DNAH11: variants seen among roughly 807,000 people sequenced by gnomAD.
DNAH11 encodes axonemal beta dynein heavy chain 11.
A neutral mutation model predicts 526.0 loss-of-function variants in DNAH11; 442 were observed. The ratio of observed to expected loss-of-function variants is 0.84; its 90% CI spans 0.78 to 0.91. The LOEUF (loss-of-function observed/expected upper bound fraction) is 0.91. Ranked by LOEUF, DNAH11 falls within the 40% of genes least tolerant of loss-of-function variation. The pLI, the probability that DNAH11 is intolerant of heterozygous loss-of-function variation, is 0.00. For synonymous variants in DNAH11, 2,461 were observed against 1,935.9 expected (o/e 1.27, Z -7.12); for missense variants, 6,989 against 5,448.7 (o/e 1.28, Z -8.90).
chr7:21,628,106 A>T (rs1786433567), intron 25 of DNAH11, among the ~76,000 whole-genome samples: 2 of 152,094 alleles, frequency 1.3e-5, no homozygotes, highest in African/African-American at 4.8e-5. Context: ...GTTGGTACAT[A>T]TAAATGCAAC....
intron 54 of DNAH11, among the ~76,000 whole-genome samples, chr7:21,763,097 A>C (rs946360284): frequency 1.7e-4 from 26 of 152,170 alleles, no homozygotes; most frequent in Non-Finnish European, 7.3e-5. Flanking sequence ...TAATCCCAGC[A>C]CTTTGAGATG....
At position 21,738,714 on chromosome 7, in the gene DNAH11, A is replaced by G. The variant is rs1032578518; in HGVS notation, c.7659A>G (p.Lys2553=). Residue 2553 remains lysine (K), a synonymous_variant, in exon 47 of 82, where the codon AAA becomes AAG. Transcript: ENST00000409508. ...TSTALQKILE[K]PLEKKAGHNY... ...TGTTTATTTCAGAAATTCTTGAGAA[A>G]CCCCTAGAGAAAAAAGCTGGTCATA... 5 of 1,573,372 alleles carry G rather than the reference A, an allele frequency of 3.2e-6. No homozygotes were observed. Among genetic ancestry groups the G allele is most frequent in the Non-Finnish European group, 4.3e-6 (5 of 1,160,504 alleles).
chr7:21,818,218 T>A lies in DNAH11; in HGVS notation c.10570T>A (p.Phe3524Ile). ...LKVTHLGQKG[F>I]LNAIETALAF... ...TCTCAAATCCCACTGAATTTTAAGG[T>A]TTTTGAATGCCATTGAAACTGCTTT... The change falls in exon 65 of 82, where the codon TTT (phenylalanine) becomes ATT (isoleucine). Residue 3524 changes from phenylalanine to isoleucine, a missense_variant and splice_region_variant. By Grantham distance (21) the Phe-to-Ile change is conservative. Transcript: ENST00000409508. 6.2e-7 allele frequency: 1 copy of A among 1,608,638 alleles called. No homozygotes were observed. Among genetic ancestry groups the A allele is most frequent in the South Asian group, 1.1e-5 (1 of 89,268 alleles).
intron 2 of DNAH11, among the ~76,000 whole-genome samples, chr7:21,552,090 C>G (rs1000121344): frequency 1.1e-4 from 16 of 152,126 alleles, no homozygotes; most frequent in Admixed American, 2.6e-4. Context: ...GAGGCAAAAG[C>G]AACAGGTTCC....
At chr7:21,759,039 A>G (rs1786768469) in intron 54 of DNAH11, among the ~76,000 whole-genome samples, 1 of 152,108 alleles carries the variant, frequency 6.6e-6, no homozygotes, top group Non-Finnish European at 1.5e-5. Flanking sequence ...ACAAAACAAA[A>G]CTTATACGTT....
intron 30 of DNAH11, among the ~76,000 whole-genome samples, chr7:21,661,445 G>GT (rs1194548551): frequency 6.6e-6 from 1 of 151,510 alleles, no homozygotes; most frequent in South Asian, 2.1e-4. Flanking sequence ...TAAGTTGATA[G>GT]TTTTTTTTAA....
At chr7:21,707,666 T>A in intron 39 of DNAH11, 33 bp from the exon 40 acceptor site, 1 of 1,600,594 alleles carries the variant, frequency 6.2e-7, no homozygotes, top group Non-Finnish European at 8.5e-7. Flanking sequence ...ATGTTAGTAT[T>A]AATTTTTTTG....
intron 29 of DNAH11, 50 bp from the exon 30 acceptor site, chr7:21,658,748 A>C (rs752576569): frequency 1.4e-6 from 2 of 1,445,840 alleles, no homozygotes; most frequent in Non-Finnish European, 9.3e-7. Context: ...GGATGAAATT[A>C]TCCTTCCATA....
intron 25 of DNAH11, among the ~76,000 whole-genome samples, chr7:21,634,857 A>G (rs1343719943): frequency 6.6e-6 from 1 of 152,200 alleles, no homozygotes; most frequent in Non-Finnish European, 1.5e-5. Flanking sequence ...GGACAGATTT[A>G]AAACATTTAA....
chr7:21,867,686 A>G (rs1783333123), intron 71 of DNAH11, among the ~76,000 whole-genome samples, 173 bp from the exon 72 acceptor site: 1 of 152,182 alleles, frequency 6.6e-6, no homozygotes, highest in Non-Finnish European at 1.5e-5. Context: ...GATTTCATTG[A>G]CACACCTACC....
Position 21,581,964 on chromosome 7 carries a change from T to A in DNAH11, c.1653T>A (p.Leu551=), listed in dbSNP as rs569086206. 6.2e-7 allele frequency: 1 copy of A among 1,613,450 alleles called. No homozygotes were observed. The highest frequency in any genetic ancestry group is 1.1e-5 in the South Asian group (1 of 91,044). The change falls in exon 9 of 82, where the codon CTT becomes CTA. Residue 551 remains leucine, a synonymous_variant. Transcript: ENST00000409508. ...KSKTLEFDRR[L]GTIICEAFFN... The stretch of plus-strand genomic sequence containing the variant: ...AAACTCTGGAATTTGACAGAAGGCT[T>A]GGGACAATTATTTGTGAAGCTTTCT...
intron 37 of DNAH11, 111 bp downstream of exon 37, chr7:21,702,913 A>T: frequency 1.1e-6 from 1 of 948,434 alleles, no homozygotes; most frequent in South Asian, 1.6e-5. Context: ...TAAAAAGCAT[A>T]ACATCTGTTG....
chr7:21,586,922 G>T (rs1010986816), intron 9 of DNAH11, among the ~76,000 whole-genome samples: 1 of 152,156 alleles, frequency 6.6e-6, no homozygotes, highest in East Asian at 1.9e-4. Flanking sequence ...ATGCTAGACT[G>T]CCTGGTTTCA....
chr7:21,815,712 A>G (rs1399750561), intron 63 of DNAH11, among the ~76,000 whole-genome samples: 1 of 152,104 alleles, frequency 6.6e-6, no homozygotes, highest in Non-Finnish European at 1.5e-5. Context: ...ATGCTCAATA[A>G]ATGTTTGGTG....
chr7:21,574,216 G>C (rs1401791371), intron 8 of DNAH11, among the ~76,000 whole-genome samples: 1 of 152,172 alleles, frequency 6.6e-6, no homozygotes, highest in Non-Finnish European at 1.5e-5. Context: ...TAATTTTGCT[G>C]TCTTTCTGTG....
At position 21,655,943 on chromosome 7, in the gene DNAH11, T is replaced by C; in HGVS notation, c.5056T>C (p.Tyr1686His). ...AVGMYSKEKEYVPFQAECECV... is the reference protein window; with the variant it reads ...AVGMYSKEKEHVPFQAECECV... ...TGGAATGTACAGCAAAGAAAAGGAGTATGTCCCATTCCAAGCCGAGTGTGA... is the reference window on the plus strand; with the variant it reads ...TGGAATGTACAGCAAAGAAAAGGAGCATGTCCCATTCCAAGCCGAGTGTGA... Residue 1686 changes from tyrosine (Y) to histidine (H), a missense_variant, in exon 29 of 82, where the codon TAT becomes CAT. By Grantham distance (83) the Tyr-to-His change is moderately conservative (BLOSUM62 2). Transcript: ENST00000409508. 2 of 1,611,382 alleles carry C rather than the reference T, an allele frequency of 1.2e-6. No homozygotes were observed. The highest frequency in any genetic ancestry group is 1.7e-6 in the Non-Finnish European group (2 of 1,178,592).
intron 30 of DNAH11, among the ~76,000 whole-genome samples, chr7:21,662,410 T>C (rs1240773470): frequency 6.6e-6 from 1 of 152,154 alleles, no homozygotes; most frequent in African/African-American, 2.4e-5. Flanking sequence ...TCATTTTGTG[T>C]CTATGAATCA....
chr7:21,759,414 AAAAC>A (rs1448116200), intron 54 of DNAH11, among the ~76,000 whole-genome samples: 1 of 152,214 alleles, frequency 6.6e-6, no homozygotes, highest in Non-Finnish European at 1.5e-5. Context: ...GGATCTTTTA[AAAAC>A]AAATTGAAAT....
At chr7:21,684,739 A>G (rs1783298807) in intron 32 of DNAH11, among the ~76,000 whole-genome samples, 1 of 152,248 alleles carries the variant, frequency 6.6e-6, no homozygotes, top group Non-Finnish European at 1.5e-5. Context: ...GGTTACTATT[A>G]TTAATAGTTC....
Sources: gnomAD v4.1 joint callset for allele counts (sites outside exome capture counted in the v4.1 genomes callset) on GRCh38, gnomAD v4.1.1 for gene constraint, MANE v1.5 for transcripts, NCBI Gene and HGNC (gene_info 2026-07-23, HGNC 2026-07-21) for gene names.